The following F13B variants were observed in gnomAD, a reference collection of about 807,000 sequenced individuals.
F13B encodes TGase.
A neutral mutation model predicts 79.8 loss-of-function variants in F13B; 58 were observed. The observed-to-expected ratio is 0.73, with a 90% CI of 0.59 to 0.90. The LOEUF is 0.90. Ranked by LOEUF, F13B falls within the 40% of genes least tolerant of loss-of-function variation. F13B has a pLI of 0.00. For missense variants in F13B, 773 were observed against 777.0 expected (o/e 0.99, Z 0.06); for synonymous variants, 283 against 260.3 (o/e 1.09, Z -0.84).
intron 11 of F13B, 91 bp downstream of exon 11, chr1:197,040,431 G>A: frequency 2.4e-6 from 2 of 848,214 alleles, no homozygotes; most frequent in East Asian, 2.5e-5. Context: ...TTGCCATAAA[G>A]TATGAGTGGT....
At chr1:197,056,126 C>G (rs1018913674) in intron 7 of F13B, among the ~76,000 whole-genome samples, 1 of 152,016 alleles carries the variant, frequency 6.6e-6, no homozygotes, top group Non-Finnish European at 1.5e-5. Flanking sequence ...TCTCTTTTCT[C>G]AATTGTGAAG....
chr1:197,047,965 G>T, intron 10 of F13B, among the ~76,000 whole-genome samples: 1 of 152,016 alleles, frequency 6.6e-6, no homozygotes, highest in East Asian at 1.9e-4. Flanking sequence ...ACAGGGCAGG[G>T]AATATCAAAC....
At chr1:197,067,074 G>A (rs1390634420) in intron 1 of F13B, 86 bp downstream of exon 1, 3 of 639,736 alleles carry the variant, frequency 4.7e-6, no homozygotes, top group Non-Finnish European at 8.1e-6. Flanking sequence ...GAAAATAGAA[G>A]AGTATATTAA....
In F13B at chr1:197,051,279, C is replaced by A. The variant is rs1655430148; in HGVS notation, c.1556-400G>T. ...AAGATGTTTTTGCAATAATATTATA[C>A]CATACAATGTATTTTTATAATTAGA... is the stretch of plus-strand genomic sequence containing the variant. On this transcript the variant is annotated intron_variant, in intron 9 of 11. Coordinates refer to ENST00000367412, the MANE Select transcript of F13B (RefSeq NM_001994.3). 2.0e-5 allele frequency among the ~76,000 whole-genome samples: 3 copies of A among 152,094 alleles called. No individual in the cohort carries two copies. The South Asian group carries it at 6.2e-4, about 32-fold the overall frequency.
intron 10 of F13B, among the ~76,000 whole-genome samples, chr1:197,045,740 A>G (rs1020049704): frequency 3.9e-5 from 6 of 152,240 alleles, no homozygotes; most frequent in Admixed American, 3.9e-4. Flanking sequence ...AATATTCCTG[A>G]TGAACATCGA....
Position 197,057,159 on chromosome 1 carries a change from A to G in F13B, c.1025T>C (p.Ile342Thr), listed in dbSNP as rs17514281. Residue 342 changes from isoleucine to threonine, a missense_variant, in exon 7 of 12, where the codon ATT becomes ACT. Coordinates refer to ENST00000367412, the MANE Select transcript of F13B (RefSeq NM_001994.3). The part of the protein sequence containing the change: ...EKVACEEPPF[I>T]ENGAANLHSK... ...GTGTAAATTTGCTGCACCATTTTCA[A>G]TGAAGGGTGGTTCCTCACAGGCTAC... 8.3e-3 allele frequency: 13,327 copies of G among 1,613,922 alleles called. 100 individuals carry two copies. Among genetic ancestry groups the G allele is most frequent in the Non-Finnish European group, 9.6e-3 (11,325 of 1,179,922 alleles).
At chr1:197,060,603 A>G in intron 4 of F13B, 61 bp from the exon 5 acceptor site, 1 of 1,213,910 alleles carries the variant, frequency 8.2e-7, no homozygotes, top group Non-Finnish European at 1.2e-6. Context: ...CTACAACAAA[A>G]TGCACTATTT....
At chr1:197,043,201 G>C (rs1655105424) in intron 10 of F13B, among the ~76,000 whole-genome samples, 1 of 152,106 alleles carries the variant, frequency 6.6e-6, no homozygotes, top group Non-Finnish European at 1.5e-5. Context: ...AGGAGAAAAA[G>C]CTTTAATACA....
chr1:197,040,466 T>C, intron 11 of F13B, 56 bp downstream of exon 11: 1 of 1,229,704 alleles, frequency 8.1e-7, no homozygotes, highest in Non-Finnish European at 1.2e-6. Flanking sequence ...TTCTGAAATG[T>C]TGAATAACAA....
chr1:197,042,542 G>A lies in F13B; in HGVS notation c.1739-1807C>T, dbSNP rs1327552946. On this transcript the variant is annotated intron_variant, in intron 10 of 11. Transcript: ENST00000367412. ...TGAGTTCAACATCTATGTGAGGCTGGGCGTGGTGACTCACACCTGTAATCC... is the reference window on the plus strand; with the variant it reads ...TGAGTTCAACATCTATGTGAGGCTGAGCGTGGTGACTCACACCTGTAATCC... 3.3e-5 allele frequency among the ~76,000 whole-genome samples: 5 copies of A among 151,518 alleles called. No homozygotes were observed. The South Asian group carries it at 8.4e-4, about 25-fold the overall frequency.
chr1:197,065,596 A>G (rs17549547), intron 1 of F13B, among the ~76,000 whole-genome samples: 2,295 of 152,296 alleles, frequency 0.015, 53 homozygotes, highest in African/African-American at 0.049. Flanking sequence ...GATATACTTC[A>G]AAACTGCCAT....
chr1:197,052,402 C>T (rs554528002), intron 9 of F13B, among the ~76,000 whole-genome samples: 48 of 151,948 alleles, frequency 3.2e-4, no homozygotes, highest in Non-Finnish European at 4.9e-4. Flanking sequence ...TGAAATTCGA[C>T]GCAGCAATTC....
chr1:197,051,965 C>A (rs1213459250), intron 9 of F13B, among the ~76,000 whole-genome samples: 1 of 152,098 alleles, frequency 6.6e-6, no homozygotes, highest in East Asian at 1.9e-4. Context: ...TTCTCCCATT[C>A]TGTAAGTTTC....
chr1:197,039,139 T>G lies in F13B; in HGVS notation c.*239A>C. 2.1e-6 allele frequency: 1 copy of G among 466,696 alleles called. No individual in the cohort carries two copies. The highest frequency in any genetic ancestry group is 2.9e-5 in the South Asian group (1 of 33,938). The allele number at this position is 466,696 out of a possible 1,614,324, so 28.9% of individuals were successfully genotyped here. On this transcript the variant is annotated 3_prime_UTR_variant, in exon 12 of 12. Transcript: ENST00000367412. ...AATGAAAATATGATGTGTAGATTAA[T>G]TTGTAACAGATGGAAGACATACAAA...
At chr1:197,045,782 C>A (rs894555135) in intron 10 of F13B, among the ~76,000 whole-genome samples, 1 of 152,096 alleles carries the variant, frequency 6.6e-6, no homozygotes, top group African/African-American at 2.4e-5. Context: ...ACTGGCAAAC[C>A]AAATCCAGCA....
chr1:197,041,139 A>G (rs976997027), intron 10 of F13B, among the ~76,000 whole-genome samples: 2 of 152,148 alleles, frequency 1.3e-5, no homozygotes, highest in Non-Finnish European at 2.9e-5. Flanking sequence ...TAAAATTCTC[A>G]TGAGACAAAT....
chr1:197,051,759 C>A (rs17514648), intron 9 of F13B, among the ~76,000 whole-genome samples: 269 of 152,178 alleles, frequency 1.8e-3, no homozygotes, highest in African/African-American at 6.3e-3. Flanking sequence ...TATAAATTTT[C>A]TCTAAAGATC....
At chr1:197,052,898 T>G in intron 8 of F13B, 64 bp from the exon 9 acceptor site, 1 of 1,326,062 alleles carries the variant, frequency 7.5e-7, no homozygotes, top group Non-Finnish European at 1.1e-6. Context: ...TGATATTTTT[T>G]AAAACAAAAA....
rs1226928561 is a variant in F13B at position 197,060,457 on chromosome 1, C to T, written c.714G>A (p.Gln238=). The T allele has an allele frequency of 1.9e-6, 3 of 1,608,696 alleles. No homozygotes were observed. Residue 238 remains glutamine, a synonymous_variant, in exon 5 of 12, where the codon CAG becomes CAA. Transcript: ENST00000367412. The part of the protein sequence containing the change: ...KQTYEEGDVV[Q]FFCHENYYLS... ...GATAATAATTTTCATGACAGAAAAA[C>T]TGAACGACATCTCCTTCTTCATAGG...
Sources: allele counts gnomAD v4.1 joint callset (sites outside exome capture counted in the v4.1 genomes callset), GRCh38; gene constraint gnomAD v4.1.1; transcripts MANE v1.5; gene names NCBI Gene and HGNC (gene_info 2026-07-23, HGNC 2026-07-21).